The following MYO3B variants were observed in gnomAD, a reference collection of about 807,000 sequenced individuals.
MYO3B encodes the protein myosin-IIIb.
A neutral mutation model predicts 174.6 loss-of-function variants in MYO3B; 156 were observed. The ratio of observed to expected loss-of-function variants is 0.89; its 90% CI spans 0.78 to 1.02. The LOEUF is 1.02. MYO3B is among the 50% of genes least tolerant of loss of function. MYO3B has a pLI of 0.00. For missense variants in MYO3B, 1,632 were observed against 1,639.4 expected (o/e 1.00, Z 0.08); for synonymous variants, 563 against 569.1 (o/e 0.99, Z 0.15).
At chr2:170,507,060 G>A (rs555801273) in intron 28 of MYO3B, among the ~76,000 whole-genome samples, 1 of 152,238 alleles carries the variant, frequency 6.6e-6, no homozygotes, top group Non-Finnish European at 1.5e-5. Flanking sequence ...ATCAGAGGAA[G>A]CACAGGTGTG....
At chr2:170,332,482 G>C (rs978240565) in intron 7 of MYO3B, among the ~76,000 whole-genome samples, 1 of 152,098 alleles carries the variant, frequency 6.6e-6, no homozygotes, top group Non-Finnish European at 1.5e-5. Flanking sequence ...GTTCTTTCTG[G>C]GTTGTGAGAG....
chr2:170,299,788 A>G (rs1470063519), intron 7 of MYO3B, among the ~76,000 whole-genome samples: 2 of 152,252 alleles, frequency 1.3e-5, no homozygotes, highest in Non-Finnish European at 2.9e-5. Flanking sequence ...AATTAGGGTA[A>G]AGATATTTTC....
intron 7 of MYO3B, among the ~76,000 whole-genome samples, chr2:170,305,944 G>A (rs2093698072): frequency 6.6e-6 from 1 of 152,078 alleles, no homozygotes; most frequent in Non-Finnish European, 1.5e-5. Flanking sequence ...TTATAACTTT[G>A]GGGTCAGGAA....
intron 30 of MYO3B, among the ~76,000 whole-genome samples, chr2:170,529,153 T>C (rs1689182770): frequency 6.6e-6 from 1 of 152,128 alleles, no homozygotes; most frequent in African/African-American, 2.4e-5. Context: ...ACTCTCAGTC[T>C]CTCACACATG....
chr2:170,237,091 C>T (rs763519556), intron 7 of MYO3B, among the ~76,000 whole-genome samples: 22 of 152,292 alleles, frequency 1.4e-4, no homozygotes, highest in Admixed American at 5.2e-4. Flanking sequence ...AAAAATGATT[C>T]CCACCCAAGC....
At chr2:170,282,283 T>C (rs544879336) in intron 7 of MYO3B, among the ~76,000 whole-genome samples, 25 of 152,302 alleles carry the variant, frequency 1.6e-4, no homozygotes, top group African/African-American at 5.8e-4. Context: ...TTTTTGTGTA[T>C]GTTGAGAGAT....
intron 32 of MYO3B, among the ~76,000 whole-genome samples, chr2:170,603,384 C>T (rs1694632541): frequency 1.3e-5 from 2 of 152,108 alleles, no homozygotes; most frequent in South Asian, 4.1e-4. Context: ...AAATACTATG[C>T]ATTTGCTATA....
intron 32 of MYO3B, among the ~76,000 whole-genome samples, chr2:170,607,635 C>T (rs752918782): frequency 6.6e-6 from 1 of 152,204 alleles, no homozygotes; most frequent in Non-Finnish European, 1.5e-5. Flanking sequence ...AAAAGTAATA[C>T]AGTCTATCAC....
At chr2:170,584,739 CTTAAG>C (rs1206918556) in intron 32 of MYO3B, among the ~76,000 whole-genome samples, 2 of 152,232 alleles carry the variant, frequency 1.3e-5, no homozygotes, top group Non-Finnish European at 2.9e-5. Flanking sequence ...AGGCAATAAG[CTTAAG>C]TTAAAAGGCA....
At chr2:170,188,277 T>C (rs916972289) in intron 1 of MYO3B, among the ~76,000 whole-genome samples, 5 of 152,174 alleles carry the variant, frequency 3.3e-5, no homozygotes, top group African/African-American at 1.2e-4. Context: ...CTACCTCTGC[T>C]CTTTTTTGGC....
At position 170,502,543 on chromosome 2, in the gene MYO3B, C is replaced by T. The variant is rs924947420; in HGVS notation, c.3370+678C>T. ...TGTAAGCTCTGGTTTCTGACTCATC[C>T]GTCCCCTCTCTGGCTCTTCAGTCAC... is the stretch of plus-strand genomic sequence containing the variant. On this transcript the variant is annotated intron_variant, in intron 28 of 34. Coordinates refer to ENST00000408978, the MANE Select transcript of MYO3B (RefSeq NM_138995.5). 7.2e-5 allele frequency among the ~76,000 whole-genome samples: 11 copies of T among 152,272 alleles called. No individual in the cohort carries two copies. In the East Asian group the frequency reaches 1.9e-3, roughly 27 times the overall value.
At chr2:170,602,179 G>T in intron 32 of MYO3B, 2 of 1,246,592 alleles carry the variant, frequency 1.6e-6, no homozygotes, top group Non-Finnish European at 2.3e-6. Flanking sequence ...CACAAAAAAT[G>T]CATATGATGA....
chr2:170,539,882 G>A (rs898874867), intron 30 of MYO3B, among the ~76,000 whole-genome samples: 7 of 151,900 alleles, frequency 4.6e-5, no homozygotes, highest in Admixed American at 2.0e-4. Context: ...TCAACCTCCC[G>A]AAGTGCTAGG....
chr2:170,429,821 C>T (rs1377827372), intron 22 of MYO3B, among the ~76,000 whole-genome samples: 1 of 152,042 alleles, frequency 6.6e-6, no homozygotes, highest in Admixed American at 6.6e-5. Context: ...TATTCTGTCC[C>T]CTTGTGTCAC....
At chr2:170,633,072 A>G (rs1385127746) in intron 32 of MYO3B, among the ~76,000 whole-genome samples, 1 of 152,204 alleles carries the variant, frequency 6.6e-6, no homozygotes, top group Admixed American at 6.5e-5. Context: ...TTCCTTTTGA[A>G]ACTATTCCAA....
At chr2:170,413,843 T>C (rs1308596030) in intron 22 of MYO3B, among the ~76,000 whole-genome samples, 9 of 151,888 alleles carry the variant, frequency 5.9e-5, no homozygotes, top group Non-Finnish European at 1.3e-4. Context: ...ATCAAGACCA[T>C]CCTAGCTAAC....
At chr2:170,244,251 T>C (rs2093166793) in intron 7 of MYO3B, among the ~76,000 whole-genome samples, 1 of 152,170 alleles carries the variant, frequency 6.6e-6, no homozygotes, top group South Asian at 2.1e-4. Context: ...TTTTTTTGTC[T>C]GCAGATAAAG....
chr2:170,432,827 G>A (rs570956652), intron 22 of MYO3B, among the ~76,000 whole-genome samples: 4 of 151,258 alleles, frequency 2.6e-5, no homozygotes, highest in South Asian at 4.2e-4. Flanking sequence ...CACCTGCCTC[G>A]GCCTCCTAAA....
intron 32 of MYO3B, among the ~76,000 whole-genome samples, chr2:170,648,778 ATG>A (rs1698605608): frequency 8.4e-6 from 1 of 118,974 alleles, no homozygotes; most frequent in African/African-American, 3.3e-5. Flanking sequence ...AATATATTCT[ATG>A]TATTCTATAA....
Sources: gnomAD v4.1 joint callset for allele counts (sites outside exome capture counted in the v4.1 genomes callset) on GRCh38, gnomAD v4.1.1 for gene constraint, MANE v1.5 for transcripts, NCBI Gene and HGNC (gene_info 2026-07-23, HGNC 2026-07-21) for gene names.